Variants in SGCD observed in about 807,000 individuals in gnomAD.
SGCD encodes the protein delta-sarcoglycan.
Under a neutral mutation model 36.6 loss-of-function variants are expected in SGCD, and 18 were observed. That is an observed-to-expected ratio of 0.49 (90% CI 0.34 to 0.73). SGCD has a LOEUF of 0.73. Among genes scored for constraint, SGCD ranks in the 30% least tolerant of loss-of-function variants. SGCD has a pLI of 0.01. For missense variants in SGCD, 387 were observed against 346.7 expected, an observed-to-expected ratio of 1.12 and a Z score of -0.92; for synonymous variants, 133 against 130.6, an observed-to-expected ratio of 1.02 and a Z score of -0.12.
At chr5:156,390,764 A>T (rs79019903) in intron 3 of SGCD, among the ~76,000 whole-genome samples, 24,133 of 151,964 alleles carry the variant, frequency 0.16, 2,033 homozygotes, top group South Asian at 0.25. Flanking sequence ...TATGAAAAAA[A>T]TTTTTTAATA....
intron 6 of SGCD, among the ~76,000 whole-genome samples, chr5:156,623,855 G>A (rs1317971113): frequency 1.3e-5 from 2 of 152,166 alleles, no homozygotes; most frequent in Non-Finnish European, 2.9e-5. Flanking sequence ...GGTTATTGGA[G>A]AGTATTCAGG....
chr5:155,755,540 C>T, the SGCD span, among the ~76,000 whole-genome samples: 1 of 152,200 alleles, frequency 6.6e-6, no homozygotes, highest in Non-Finnish European at 1.5e-5. Context: ...AAGGTTTTCT[C>T]TCTAGTGCAT....
At chr5:156,582,816 C>A (rs1561794531) in intron 4 of SGCD, among the ~76,000 whole-genome samples, 2 of 150,764 alleles carry the variant, frequency 1.3e-5, no homozygotes, top group Admixed American at 6.5e-5. Flanking sequence ...CACGCATGTG[C>A]ACGCGCACAC....
chr5:156,232,107 A>G (rs1363327668), intron 3 of SGCD, among the ~76,000 whole-genome samples: 1 of 152,236 alleles, frequency 6.6e-6, no homozygotes, highest in East Asian at 1.9e-4. Context: ...ATGAAAACAA[A>G]GAGGAGAGCC....
intron 3 of SGCD, among the ~76,000 whole-genome samples, chr5:156,413,968 A>G (rs549713929): frequency 3.3e-5 from 5 of 152,178 alleles, no homozygotes; most frequent in Admixed American, 2.0e-4. Flanking sequence ...AAATGGTGGT[A>G]CAGAAGAGAT....
intron 1 of SGCD, among the ~76,000 whole-genome samples, chr5:155,944,239 A>G (rs756999558): frequency 2.6e-5 from 4 of 152,204 alleles, no homozygotes; most frequent in Non-Finnish European, 5.9e-5. Context: ...ATTAAGATCA[A>G]ACCAAAACCC....
intron 7 of SGCD, among the ~76,000 whole-genome samples, chr5:156,749,918 G>T (rs1433690942): frequency 6.6e-6 from 1 of 151,858 alleles, no homozygotes; most frequent in African/African-American, 2.4e-5. Context: ...TTACAAGAAA[G>T]AAAAATTATA....
rs573738513 is a variant in SGCD, at chr5:156,098,003, G to T, written c.-281-19875G>T. Among the ~76,000 whole-genome samples the T allele has an allele frequency of 3.9e-5, 6 of 152,238 alleles. No individual in the cohort carries two copies. In the East Asian group the frequency reaches 1.2e-3, roughly 29 times the overall value. Reference sequence around the variant, plus strand: ...TCACTTGCCCCAGCTTATACTGCCTGCAAGGGCAGGAGTTTCCCCAGGTCA... The same window carrying T: ...TCACTTGCCCCAGCTTATACTGCCTTCAAGGGCAGGAGTTTCCCCAGGTCA... On this transcript the variant is annotated intron_variant, in intron 1 of 9. Transcript: ENST00000517913.
At chr5:156,002,756 C>T (rs12520821) in intron 1 of SGCD, among the ~76,000 whole-genome samples, 31,170 of 152,214 alleles carry the variant, frequency 0.2, 3,932 homozygotes, top group South Asian at 0.36. Context: ...GGGTCTACAG[C>T]GAGGTTCTGC....
intron 3 of SGCD, among the ~76,000 whole-genome samples, chr5:156,139,145 A>G (rs921512818): frequency 6.6e-6 from 1 of 152,108 alleles, no homozygotes; most frequent in Non-Finnish European, 1.5e-5. Context: ...CATTTTTTAA[A>G]TGTTGTCTTC....
At chr5:156,479,240 G>A (rs558398805) in intron 3 of SGCD, among the ~76,000 whole-genome samples, 5 of 151,848 alleles carry the variant, frequency 3.3e-5, no homozygotes, top group South Asian at 2.1e-4. Context: ...CTACAGGCAC[G>A]CACCACCATG....
intron 4 of SGCD, among the ~76,000 whole-genome samples, chr5:156,516,822 C>A (rs918707287): frequency 1.3e-5 from 2 of 152,130 alleles, no homozygotes; most frequent in Admixed American, 1.3e-4. Flanking sequence ...CGTGATGAAA[C>A]CCTGCCTCTA....
intron 7 of SGCD, among the ~76,000 whole-genome samples, chr5:156,731,888 T>C (rs140151161): frequency 6.6e-5 from 10 of 152,288 alleles, no homozygotes; most frequent in African/African-American, 2.4e-4. Flanking sequence ...TTAGCTGTAT[T>C]CCTGGGTATT....
exon 1 of SGCD, chr5:155,870,362 G>A (rs984670872): frequency 1.5e-4 from 23 of 152,272 alleles, no homozygotes; most frequent in African/African-American, 5.3e-4. Flanking sequence ...TATTGAAGCT[G>A]GGAGGGTCAC....
At chr5:156,574,635 C>T (rs114600345) in intron 4 of SGCD, among the ~76,000 whole-genome samples, 3,894 of 152,074 alleles carry the variant, frequency 0.026, 111 homozygotes, top group African/African-American at 0.061. Context: ...TTTTTTTTCC[C>T]TGTGTTATTC....
chr5:156,079,682 G>T (rs1760897740), intron 1 of SGCD, among the ~76,000 whole-genome samples: 1 of 152,186 alleles, frequency 6.6e-6, no homozygotes, highest in Non-Finnish European at 1.5e-5. Flanking sequence ...AGTCTTCTTT[G>T]ACTCCATGTC....
intron 1 of SGCD, among the ~76,000 whole-genome samples, chr5:156,082,827 A>C (rs76904853): frequency 1.3e-5 from 2 of 152,182 alleles, no homozygotes; most frequent in Non-Finnish European, 1.5e-5. Flanking sequence ...TTTTTTTGCA[A>C]AACTTCAAAA....
intron 7 of SGCD, among the ~76,000 whole-genome samples, chr5:156,746,894 T>C (rs1756960295): frequency 6.6e-6 from 1 of 150,674 alleles, no homozygotes; most frequent in South Asian, 2.1e-4. Context: ...AATTTTAAGC[T>C]ACTCATTAAG....
Position 156,251,435 on chromosome 5 carries a change from A to C in SGCD, c.-43-78099A>C, listed in dbSNP as rs576343118. 3.3e-5 allele frequency among the ~76,000 whole-genome samples: 5 copies of C among 152,148 alleles called. No homozygotes were observed. In the South Asian group the frequency reaches 8.3e-4, roughly 25 times the overall value. On this transcript the variant is annotated intron_variant, in intron 3 of 9. Transcript: ENST00000517913. Reference sequence around the variant, plus strand: ...CCAGACCCTTTCCTGTGGATTTTATACTCATAAATAAGTACCTATGAAAAT... The same window carrying C: ...CCAGACCCTTTCCTGTGGATTTTATCCTCATAAATAAGTACCTATGAAAAT...
Sources: gnomAD v4.1 joint callset for allele counts (sites outside exome capture counted in the v4.1 genomes callset) on GRCh38, gnomAD v4.1.1 for gene constraint, MANE v1.5 for transcripts, NCBI Gene and HGNC (gene_info 2026-07-23, HGNC 2026-07-21) for gene names.